The following ITPRID2 variants were observed in gnomAD, a reference collection of about 807,000 sequenced individuals.
The protein encoded by ITPRID2 is protein ITPRID2.
ITPRID2 carries 60 observed loss-of-function variants against 124.3 expected under a neutral mutation model. The observed-to-expected ratio is 0.48, with a 90% CI of 0.39 to 0.60. ITPRID2 has a LOEUF of 0.60. ITPRID2 is among the 20% of genes least tolerant of loss of function. ITPRID2 has a pLI of 0.00. For missense variants in ITPRID2, 1,553 were observed against 1,512.2 expected, an observed-to-expected ratio of 1.03 and a Z score of -0.45; for synonymous variants, 521 against 542.9, an observed-to-expected ratio of 0.96 and a Z score of 0.56.
Position 181,891,939 on chromosome 2 carries a change from C to G in ITPRID2, c.-128C>G. 1.4e-6 allele frequency: 1 copy of G among 711,328 alleles called. No individual in the cohort carries two copies. The highest frequency in any genetic ancestry group is 3.0e-5 in the East Asian group (1 of 33,728). The allele number at this position is 711,328 out of a possible 1,614,324, so 44.1% of individuals were successfully genotyped here. A position where few individuals can be genotyped will look rare whatever the true frequency, so the allele number is the denominator to read the frequency against. ...CTGTCCCCTCCTCCTCCTCCTCCTCCTCCGGCGCCCGCTTCAGCTCCCCGG... is the reference window on the plus strand; with the variant it reads ...CTGTCCCCTCCTCCTCCTCCTCCTCGTCCGGCGCCCGCTTCAGCTCCCCGG... On this transcript the variant is annotated 5_prime_UTR_variant, in exon 1 of 18. Transcript: ENST00000431877.
At position 181,892,590 on chromosome 2, in the gene ITPRID2, T is replaced by C. The variant is rs1238325033; in HGVS notation, c.212-25T>C. ...GTCGTAGTGCTCCTGGGTGGTAACG[T>C]GCTGTCCCCTCTCTCTACCCCCAGG... On this transcript the variant is annotated intron_variant, in intron 1 of 17. Coordinates refer to ENST00000431877, the MANE Select transcript of ITPRID2 (RefSeq NM_001130445.3). The surrounding 1 kb of genome is among the most constrained non-coding windows in gnomAD (Gnocchi z 5.2). 3 of 1,613,940 alleles carry C rather than the reference T, an allele frequency of 1.9e-6. No homozygotes were observed. Among genetic ancestry groups the C allele is most frequent in the Admixed American group, 1.7e-5 (1 of 60,004 alleles).
At chr2:181,909,103 G>T (rs1693394345) in intron 8 of ITPRID2, among the ~76,000 whole-genome samples, 1 of 152,124 alleles carries the variant, frequency 6.6e-6, no homozygotes, top group Non-Finnish European at 1.5e-5. Flanking sequence ...TGTGCAGATA[G>T]AAAAATAAAC....
chr2:181,913,976 A>G (rs377172641), intron 10 of ITPRID2, 43 bp downstream of exon 10: 81 of 1,347,550 alleles, frequency 6.0e-5, no homozygotes, highest in Non-Finnish European at 8.1e-5. Flanking sequence ...TAACTTCCTC[A>G]TTTTAAGGTG....
In ITPRID2 at chr2:181,896,226, T is replaced by C. The variant is rs1298045544; in HGVS notation, c.307+147T>C. On this transcript the variant is annotated intron_variant, in intron 3 of 17. Transcript: ENST00000431877. The surrounding 1 kb of genome is among the most constrained non-coding windows in gnomAD (Gnocchi z 4.3). ...GAGCTAGAAGCAAAATGGAGAAACT[T>C]TGTTATAAACCGTAAAACAGTAGGG... The C allele has an allele frequency of 2.8e-6, 2 of 703,730 alleles. No homozygotes were observed. Among genetic ancestry groups the C allele is most frequent in the African/African-American group, 3.6e-5 (2 of 55,538 alleles). The allele number at this position is 703,730 out of a possible 1,614,324, so 43.6% of individuals were successfully genotyped here.
Position 181,892,417 on chromosome 2 carries a change from C to T in ITPRID2, c.211+140C>T. On this transcript the variant is annotated intron_variant, in intron 1 of 17. Transcript: ENST00000431877. This position sits in a 1 kb window ranked among gnomAD's most constrained non-coding sequence, Gnocchi z 5.2. ...AGAGGGGACACTTCCGACCTTCAAA[C>T]GCGCGCGCTGAACGAGGCGCCCCCA... is the stretch of plus-strand genomic sequence containing the variant. 2 of 1,184,944 alleles carry T rather than the reference C, an allele frequency of 1.7e-6. No homozygotes were observed. The highest frequency in any genetic ancestry group is 5.1e-5 in the East Asian group (2 of 38,944). The allele number at this position is 1,184,944 out of a possible 1,614,324, so 73.4% of individuals were successfully genotyped here. A position where few individuals can be genotyped will look rare whatever the true frequency, so the allele number is the denominator to read the frequency against.
Position 181,919,244 on chromosome 2 carries a change from G to A in ITPRID2, c.2994-52G>A. On this transcript the variant is annotated intron_variant, in intron 13 of 17. Transcript: ENST00000431877. The surrounding 1 kb of genome is among the most constrained non-coding windows in gnomAD (Gnocchi z 4.2). ...GTAGTTGTTGAAAGATTTGTGATTAGGAATCTCCAAACTGCATTTTTCCAA... is the reference window on the plus strand; with the variant it reads ...GTAGTTGTTGAAAGATTTGTGATTAAGAATCTCCAAACTGCATTTTTCCAA... The A allele has an allele frequency of 6.3e-7, 1 of 1,599,660 alleles. No homozygotes were observed. The highest frequency in any genetic ancestry group is 8.5e-7 in the Non-Finnish European group (1 of 1,172,764).
rs1694336957 is a variant in ITPRID2, at chr2:181,919,621, C to A, written c.3144+175C>A. 6.6e-6 allele frequency among the ~76,000 whole-genome samples: 1 copy of A among 152,010 alleles called. No homozygotes were observed. Among genetic ancestry groups the A allele is most frequent in the South Asian group, 2.1e-4 (1 of 4,824 alleles). ...TGAATGTACAATTTGTAATAATTGT[C>A]ATAAATAGTATATTTAGAAATATGT... On this transcript the variant is annotated intron_variant, in intron 14 of 17. Coordinates refer to ENST00000431877, the MANE Select transcript of ITPRID2 (RefSeq NM_001130445.3). The surrounding 1 kb of genome is among the most constrained non-coding windows in gnomAD (Gnocchi z 4.2).
rs1246185039 is a variant in ITPRID2, at chr2:181,930,324, G to A, written c.*777G>A. On this transcript the variant is annotated 3_prime_UTR_variant, in exon 18 of 18. Coordinates refer to ENST00000431877, the MANE Select transcript of ITPRID2 (RefSeq NM_001130445.3). Reference sequence around the variant, plus strand: ...CTAAATAGAGTATCATCCAAATAATGGGGCCTATGACTTGAATGAATAGAA... The same window carrying A: ...CTAAATAGAGTATCATCCAAATAATAGGGCCTATGACTTGAATGAATAGAA... 1 of 152,528 alleles carries A rather than the reference G, an allele frequency of 6.6e-6. No homozygotes were observed. 9.4% of individuals were successfully genotyped at this position (152,528 alleles called of 1,614,324 possible).
intron 6 of ITPRID2, 31 bp downstream of exon 6, chr2:181,899,143 C>T (rs754932039): frequency 6.8e-7 from 1 of 1,480,134 alleles, no homozygotes; most frequent in African/African-American, 1.4e-5. Flanking sequence ...GTTGGAATTA[C>T]ATTGTGCTAT....
rs554422909 is a variant in ITPRID2 at position 181,891,919 on chromosome 2, C to CCCT, written c.-127_-125dup. On this transcript the variant is annotated 5_prime_UTR_variant, in exon 1 of 18. Coordinates refer to ENST00000431877, the MANE Select transcript of ITPRID2 (RefSeq NM_001130445.3). ...TTCCTTCCCTCCCTCCCTCCCTGTC[C>CCCT]CCTCCTCCTCCTCCTCCTCCTCCGG... is the stretch of plus-strand genomic sequence containing the variant. 2,972 of 563,172 alleles carry CCCT rather than the reference C, an allele frequency of 5.3e-3. 14 individuals carry two copies. Among genetic ancestry groups the CCCT allele is most frequent in the Middle Eastern group, 0.016 (32 of 2,006 alleles). 34.9% of individuals were successfully genotyped at this position (563,172 alleles called of 1,614,324 possible). A position where few individuals can be genotyped will look rare whatever the true frequency, so the allele number is the denominator to read the frequency against.
intron 4 of ITPRID2, 105 bp downstream of exon 4, chr2:181,897,069 G>A (rs572409347): frequency 1.5e-4 from 149 of 969,260 alleles, no homozygotes; most frequent in African/African-American, 1.4e-3. Context: ...AAATTTAAAG[G>A]TCTTGAAAAT....
At position 181,916,214 on chromosome 2, in the gene ITPRID2, G is replaced by A. The variant is rs764590849; in HGVS notation, c.2574G>A (p.Leu858=). 6.2e-7 allele frequency: 1 copy of A among 1,614,192 alleles called. No homozygotes were observed. The highest frequency in any genetic ancestry group is 8.5e-7 in the Non-Finnish European group (1 of 1,180,026). The change falls in exon 11 of 18, where the codon CTG becomes CTA. Residue 858 remains leucine (L), a synonymous_variant. Coordinates refer to ENST00000431877, the MANE Select transcript of ITPRID2 (RefSeq NM_001130445.3). ...ACTCTGAGTGGCAAGAAAGGCCCCTGTGTGAGCACACAAGAACTCTGAGCA... is the reference window on the plus strand; with the variant it reads ...ACTCTGAGTGGCAAGAAAGGCCCCTATGTGAGCACACAAGAACTCTGAGCA... The part of the protein sequence containing the change: ...SIHSEWQERP[L]CEHTRTLSTH...
At position 181,892,467 on chromosome 2, in the gene ITPRID2, C is replaced by T; in HGVS notation, c.212-148C>T. 3.4e-6 allele frequency: 4 copies of T among 1,178,844 alleles called. No homozygotes were observed. Among genetic ancestry groups the T allele is most frequent in the Non-Finnish European group, 4.9e-6 (4 of 818,564 alleles). 73.0% of individuals were successfully genotyped at this position (1,178,844 alleles called of 1,614,324 possible). A position where few individuals can be genotyped will look rare whatever the true frequency, so the allele number is the denominator to read the frequency against. ...AGCGTCAACACAGACAACTGGGTGC[C>T]ATCCGATTTCCCTGCCAAGGGACAC... On this transcript the variant is annotated intron_variant, in intron 1 of 17. Coordinates refer to ENST00000431877, the MANE Select transcript of ITPRID2 (RefSeq NM_001130445.3). This position sits in a 1 kb window ranked among gnomAD's most constrained non-coding sequence, Gnocchi z 5.2.
rs1032738094 is a variant in ITPRID2 at position 181,919,710 on chromosome 2, GT to G, written c.3144+269del. On this transcript the variant is annotated intron_variant, in intron 14 of 17. Coordinates refer to ENST00000431877, the MANE Select transcript of ITPRID2 (RefSeq NM_001130445.3). The surrounding 1 kb of genome is among the most constrained non-coding windows in gnomAD (Gnocchi z 4.2). ...ATAAGGGCTTATACGAAAGTTGAGG[GT>G]TTTTAAAGGAAAAATGCTAGTGAAT... Among the ~76,000 whole-genome samples, 30 of 152,006 alleles carry G rather than the reference GT, an allele frequency of 2.0e-4. No individual in the cohort carries two copies. Among genetic ancestry groups the G allele is most frequent in the Admixed American group, 2.0e-4 (3 of 15,252 alleles).
Position 181,918,604 on chromosome 2 carries a change from A to G in ITPRID2, c.2794A>G (p.Met932Val), listed in dbSNP as rs75982591. The G allele has an allele frequency of 1.5e-5, 24 of 1,613,892 alleles. No homozygotes were observed. In the African/African-American group the frequency reaches 2.1e-4, roughly 14 times the overall value. Reference sequence around the variant, plus strand: ...TACTTTTACTTTTTTGAAGTACCCTATGATGAGAGGACCTGATCCTGCTGC... The same window carrying G: ...TACTTTTACTTTTTTGAAGTACCCTGTGATGAGAGGACCTGATCCTGCTGC... The part of the protein sequence containing the change: ...NSLQNLSQYP[M>V]MRGPDPAAAP... The change falls in exon 12 of 18, where the codon ATG becomes GTG. Residue 932 changes from methionine (M) to valine (V), a missense_variant. By Grantham distance (21) the Met-to-Val change is conservative. Coordinates refer to ENST00000431877, the MANE Select transcript of ITPRID2 (RefSeq NM_001130445.3).
At chr2:181,917,128 T>G in intron 11 of ITPRID2, 2 of 415,914 alleles carry the variant, frequency 4.8e-6, no homozygotes, top group Non-Finnish European at 6.5e-6. Context: ...TACGTTGTCT[T>G]CAGTTTTGCC....
Position 181,898,934 on chromosome 2 carries a change from T to C in ITPRID2, c.404+15T>C, listed in dbSNP as rs749052964. On this transcript the variant is annotated intron_variant, in intron 5 of 17. Coordinates refer to ENST00000431877, the MANE Select transcript of ITPRID2 (RefSeq NM_001130445.3). ...ATTGAAAACTGGTATGTAGCTGTTT[T>C]GTTCTATTTCTTTTAAAAAATGAAG... is the stretch of plus-strand genomic sequence containing the variant. The C allele has an allele frequency of 6.2e-7, 1 of 1,608,668 alleles. No individual in the cohort carries two copies. The highest frequency in any genetic ancestry group is 8.5e-7 in the Non-Finnish European group (1 of 1,175,886).
rs781125791 is a variant in ITPRID2 at position 181,902,047 on chromosome 2, A to G, written c.994A>G (p.Ile332Val). The stretch of plus-strand genomic sequence containing the variant: ...AGGAAAGATTCTAAATGTTTCAGTG[A>G]TTGAAGAAAGTGGCAATAAAAACGA... Reference protein sequence around the residue: ...EKGKILNVSVIEESGNKNDQK... With the variant: ...EKGKILNVSVVEESGNKNDQK... The change falls in exon 8 of 18, where the codon ATT (isoleucine) becomes GTT (valine). Residue 332 changes from isoleucine (I) to valine (V), a missense_variant. Ile to Val is a conservative substitution (Grantham distance 29). Coordinates refer to ENST00000431877, the MANE Select transcript of ITPRID2 (RefSeq NM_001130445.3). The surrounding 1 kb of genome is among the most constrained non-coding windows in gnomAD (Gnocchi z 4.4). 5 of 1,612,628 alleles carry G rather than the reference A, an allele frequency of 3.1e-6. No individual in the cohort carries two copies. The Admixed American group carries it at 6.7e-5, about 22-fold the overall frequency.
intron 10 of ITPRID2, among the ~76,000 whole-genome samples, chr2:181,915,010 G>A (rs1007178183): frequency 1.3e-5 from 2 of 152,168 alleles, no homozygotes; most frequent in African/African-American, 4.8e-5. Context: ...GGAAAACAGT[G>A]AAGTTCTGAA....
Sources: gnomAD v4.1 joint callset for allele counts (sites outside exome capture counted in the v4.1 genomes callset) on GRCh38, gnomAD v4.1.1 for gene constraint, Gnocchi (gnomAD v3.1) non-coding constraint, MANE v1.5 for transcripts, NCBI Gene and HGNC (gene_info 2026-07-23, HGNC 2026-07-21) for gene names.